SPATA6: variants seen among roughly 807,000 people sequenced by gnomAD.
The protein encoded by SPATA6 is spermatogenesis associated 6.
SPATA6 carries 56 observed loss-of-function variants against 65.3 expected under a neutral mutation model. That is an observed-to-expected ratio of 0.86 (90% confidence interval 0.69 to 1.07). SPATA6 has a LOEUF of 1.07. Among genes scored for constraint, SPATA6 ranks in the 50% least tolerant of loss-of-function variants. The probability of loss-of-function intolerance (pLI) is 0.00; values close to 1 mark genes in which losing one functional copy is unlikely to be tolerated. For synonymous variants in SPATA6, 199 were observed against 213.2 expected, an observed-to-expected ratio of 0.93 and a Z score of 0.58; for missense variants, 590 against 594.8, an observed-to-expected ratio of 0.99 and a Z score of 0.08.
intron 11 of SPATA6, among the ~76,000 whole-genome samples, chr1:48,333,405 G>A (rs1645970483): frequency 6.6e-6 from 1 of 152,070 alleles, no homozygotes; most frequent in South Asian, 2.1e-4. Flanking sequence ...TGAGATTTTG[G>A]GACTCAGAAT....
intron 9 of SPATA6, among the ~76,000 whole-genome samples, chr1:48,364,488 G>A (rs1381211885): frequency 3.3e-5 from 5 of 152,216 alleles, no homozygotes; most frequent in East Asian, 1.9e-4. Flanking sequence ...TTTAATGATC[G>A]CCATTCTAAC....
the SPATA6 span, among the ~76,000 whole-genome samples, chr1:48,268,163 T>C: frequency 2.6e-5 from 4 of 152,064 alleles, no homozygotes; most frequent in East Asian, 7.7e-4. Flanking sequence ...CCTAGGTATG[T>C]GGGCACAGGT....
chr1:48,309,782 T>C (rs1645154691), intron 11 of SPATA6, among the ~76,000 whole-genome samples: 1 of 152,212 alleles, frequency 6.6e-6, no homozygotes. Context: ...CTGATATCTC[T>C]ATTCTGTTAG....
chr1:48,395,068 GT>G (rs1485886888), intron 8 of SPATA6, among the ~76,000 whole-genome samples, 198 bp downstream of exon 8: 4 of 151,886 alleles, frequency 2.6e-5, no homozygotes, highest in African/African-American at 9.7e-5. Context: ...ATGATTTATA[GT>G]AGCACAGAAA....
intron 9 of SPATA6, among the ~76,000 whole-genome samples, chr1:48,374,650 A>G (rs1647678731): frequency 6.6e-6 from 1 of 152,232 alleles, no homozygotes. Flanking sequence ...TCCAAACAAC[A>G]GATTCTGAAT....
chr1:48,392,128 C>T (rs2248912), intron 8 of SPATA6, among the ~76,000 whole-genome samples: 65,608 of 151,814 alleles, frequency 0.43, 15,240 homozygotes, highest in African/African-American at 0.62. Context: ...ATATGACATA[C>T]TAGGATTTGA....
chr1:48,454,667 G>C (rs192319618), intron 1 of SPATA6, among the ~76,000 whole-genome samples: 6 of 152,036 alleles, frequency 3.9e-5, no homozygotes, highest in Middle Eastern at 3.4e-3. Flanking sequence ...CCTCATCATT[G>C]TATCCAAAGA....
At chr1:48,420,777 G>A (rs1227574021) in intron 3 of SPATA6, among the ~76,000 whole-genome samples, 2 of 152,162 alleles carry the variant, frequency 1.3e-5, no homozygotes, top group Non-Finnish European at 2.9e-5. Flanking sequence ...TAGCTTTGAT[G>A]TGACATTTGA....
intron 5 of SPATA6, among the ~76,000 whole-genome samples, chr1:48,411,105 CAG>C (rs1020484517): frequency 4.5e-4 from 68 of 152,050 alleles, no homozygotes; most frequent in African/African-American, 1.6e-3. Context: ...AAGAAAGAGA[CAG>C]AGAGACAGAG....
At chr1:48,342,874 T>C (rs1389706283) in intron 11 of SPATA6, among the ~76,000 whole-genome samples, 1 of 152,012 alleles carries the variant, frequency 6.6e-6, no homozygotes, top group African/African-American at 2.4e-5. Context: ...TTAAAGGACC[T>C]AGAATAGTAG....
chr1:48,278,784 C>G, the SPATA6 span, among the ~76,000 whole-genome samples: 1 of 152,152 alleles, frequency 6.6e-6, no homozygotes, highest in Non-Finnish European at 1.5e-5. Flanking sequence ...GAGAACTTCC[C>G]CAATCTAGCA....
At chr1:48,272,451 C>G in the SPATA6 span, among the ~76,000 whole-genome samples, 1 of 152,094 alleles carries the variant, frequency 6.6e-6, no homozygotes, top group Non-Finnish European at 1.5e-5. Context: ...TTTTCTGTGT[C>G]TTGCTTATTT....
intron 3 of SPATA6, among the ~76,000 whole-genome samples, chr1:48,440,444 T>A (rs968986372): frequency 5.3e-5 from 8 of 152,188 alleles, no homozygotes; most frequent in African/African-American, 1.9e-4. Context: ...ATACCTGGTA[T>A]CTTAGTCAAG....
chr1:48,437,923 C>T (rs1243986445), intron 3 of SPATA6, among the ~76,000 whole-genome samples: 8 of 150,618 alleles, frequency 5.3e-5, no homozygotes, highest in African/African-American at 1.2e-4. Flanking sequence ...CACCAATCAG[C>T]GCTCTGTGTC....
intron 5 of SPATA6, among the ~76,000 whole-genome samples, chr1:48,408,670 A>T (rs1338673632): frequency 4.6e-5 from 7 of 152,226 alleles, no homozygotes; most frequent in African/African-American, 1.7e-4. Context: ...TGGGCAATTT[A>T]CAAAAGAAAG....
At chr1:48,398,346 A>C (rs1336291891) in intron 7 of SPATA6, among the ~76,000 whole-genome samples, 1 of 151,772 alleles carries the variant, frequency 6.6e-6, no homozygotes, top group Non-Finnish European at 1.5e-5. Flanking sequence ...GTTGCTTAAG[A>C]CAATATTTAA....
At chr1:48,306,674 T>C (rs547669109) in intron 11 of SPATA6, among the ~76,000 whole-genome samples, 2 of 152,036 alleles carry the variant, frequency 1.3e-5, no homozygotes, top group South Asian at 2.1e-4. Context: ...GGATTAGTAT[T>C]AGTAAGGGGT....
At chr1:48,319,718 C>T (rs1010440741) in intron 11 of SPATA6, among the ~76,000 whole-genome samples, 6 of 152,160 alleles carry the variant, frequency 3.9e-5, no homozygotes, top group African/African-American at 1.2e-4. Context: ...TGACCCTGCA[C>T]CCCTGCTCCA....
intron 11 of SPATA6, among the ~76,000 whole-genome samples, chr1:48,337,571 A>C (rs964828702): frequency 2.0e-5 from 3 of 151,904 alleles, no homozygotes. Context: ...GGAGATTTAA[A>C]ACTATCATTA....
Sources: allele counts gnomAD v4.1 joint callset (sites outside exome capture counted in the v4.1 genomes callset), GRCh38; gene constraint gnomAD v4.1.1; transcripts MANE v1.5; gene names NCBI Gene and HGNC (gene_info 2026-07-23, HGNC 2026-07-21).